HNRNPAB: variants seen among roughly 807,000 people sequenced by gnomAD.
The protein encoded by HNRNPAB is heterogeneous nuclear ribonucleoprotein A/B.
HNRNPAB carries 17 observed loss-of-function variants against 44.1 expected under a neutral mutation model. The ratio of observed to expected loss-of-function variants is 0.39; its 90% CI spans 0.26 to 0.58. HNRNPAB has a LOEUF of 0.58. Among genes scored for constraint, HNRNPAB ranks in the 20% least tolerant of loss-of-function variants. The pLI is 0.63. For missense variants in HNRNPAB, 393 were observed against 432.7 expected, an observed-to-expected ratio of 0.91 and a Z score of 0.81; for synonymous variants, 183 against 167.6, an observed-to-expected ratio of 1.09 and a Z score of -0.71.
At position 178,206,899 on chromosome 5, in the gene HNRNPAB, G is replaced by A; in HGVS notation, c.537+9G>A. On this transcript the variant is annotated intron_variant, in intron 4 of 7. Transcript: ENST00000358344. ...TTGGCGAGTTTGGGGAGGTGAGTGT[G>A]GCTCTGGGAATAGCCCATCAGCTGC... 1 of 1,613,986 alleles carries A rather than the reference G, an allele frequency of 6.2e-7. No individual in the cohort carries two copies. The highest frequency in any genetic ancestry group is 8.5e-7 in the Non-Finnish European group (1 of 1,179,904).
At chr5:178,207,285 G>C (rs1213215339) in intron 5 of HNRNPAB, 60 bp downstream of exon 5, 1 of 1,600,880 alleles carries the variant, frequency 6.2e-7, no homozygotes. Flanking sequence ...CCCTTAGAGG[G>C]ATGGGTTAGG....
chr5:178,205,293 G>A (rs998614615), intron 2 of HNRNPAB, among the ~76,000 whole-genome samples: 27 of 151,422 alleles, frequency 1.8e-4, no homozygotes, highest in African/African-American at 4.3e-4. Context: ...CCAGGGCCAG[G>A]GCCGGAGCCG....
At chr5:178,208,639 T>G (rs981318156) in intron 5 of HNRNPAB, 1 of 152,242 alleles carries the variant, frequency 6.6e-6, no homozygotes, top group Admixed American at 6.5e-5. Flanking sequence ...TCTTTAGAAA[T>G]ACACTGGTCT....
chr5:178,209,951 T>C (rs1477602633), intron 6 of HNRNPAB, among the ~76,000 whole-genome samples, 181 bp from the exon 7 acceptor site: 1 of 150,428 alleles, frequency 6.6e-6, no homozygotes, highest in African/African-American at 2.5e-5. Flanking sequence ...TCTGATCCTC[T>C]GCTTGGGTCT....
chr5:178,208,522 T>C (rs1359819007), intron 5 of HNRNPAB: 1 of 152,204 alleles, frequency 6.6e-6, no homozygotes, highest in Non-Finnish European at 1.5e-5. Context: ...ATTTTTAATT[T>C]AGTAGGATAG....
At chr5:178,208,172 A>C (rs1757181088) in intron 5 of HNRNPAB, among the ~76,000 whole-genome samples, 1 of 151,974 alleles carries the variant, frequency 6.6e-6, no homozygotes, top group South Asian at 2.1e-4. Context: ...GGCAGTTGGG[A>C]GTTGAGGGTG....
chr5:178,209,201 A>C, intron 5 of HNRNPAB, 129 bp from the exon 6 acceptor site: 2 of 781,506 alleles, frequency 2.6e-6, no homozygotes, highest in South Asian at 1.6e-5. Flanking sequence ...GGCCTCCCAT[A>C]CTAGCATATT....
At chr5:178,206,981 G>T in intron 4 of HNRNPAB, 91 bp downstream of exon 4, 1 of 1,587,038 alleles carries the variant, frequency 6.3e-7, no homozygotes, top group East Asian at 2.2e-5. Context: ...GACCCTCCCA[G>T]GCAGGGCTTA....
chr5:178,205,137 T>TGGCCC, intron 2 of HNRNPAB, 91 bp downstream of exon 2: 1 of 992,516 alleles, frequency 1.0e-6, no homozygotes, highest in Non-Finnish European at 1.3e-6. Flanking sequence ...GGCGGCGGCC[T>TGGCCC]GGCCCGGGTC....
rs753208075 is a variant in HNRNPAB at position 178,204,611 on chromosome 5, C to T, written c.-153C>T. 2.2e-5 allele frequency: 6 copies of T among 271,576 alleles called. No homozygotes were observed. The highest frequency in any genetic ancestry group is 1.7e-4 in the South Asian group (1 of 5,912). 16.8% of individuals were successfully genotyped at this position (271,576 alleles called of 1,614,324 possible). On this transcript the variant is annotated 5_prime_UTR_variant, in exon 1 of 8. Coordinates refer to ENST00000358344, the MANE Select transcript of HNRNPAB (RefSeq NM_031266.3). ...GCGGCGGCGGCCAAGGAGGAGGAGACACAGTTGGAGCAGCTCCGTGGGCTG... is the reference window on the plus strand; with the variant it reads ...GCGGCGGCGGCCAAGGAGGAGGAGATACAGTTGGAGCAGCTCCGTGGGCTG...
In HNRNPAB at chr5:178,204,590, C is replaced by G. The variant is rs1041799912; in HGVS notation, c.-174C>G. ...TGTTGGTCGGTGGGTTCCCGTGCGG[C>G]GGCGGCCAAGGAGGAGGAGACACAG... On this transcript the variant is annotated 5_prime_UTR_variant, in exon 1 of 8. Coordinates refer to ENST00000358344, the MANE Select transcript of HNRNPAB (RefSeq NM_031266.3). 2 of 251,170 alleles carry G rather than the reference C, an allele frequency of 8.0e-6. No homozygotes were observed. The highest frequency in any genetic ancestry group is 4.6e-5 in the African/African-American group (2 of 43,904). 15.6% of individuals were successfully genotyped at this position (251,170 alleles called of 1,614,324 possible).
chr5:178,207,691 C>CTTTTTTTTT (rs34424574), intron 5 of HNRNPAB, among the ~76,000 whole-genome samples: 16 of 78,756 alleles, frequency 2.0e-4, no homozygotes, highest in Non-Finnish European at 2.7e-4. Context: ...ACTTTGAGCA[C>CTTTTTTTTT]TTTTTTTTTT....
intron 3 of HNRNPAB, 39 bp from the exon 4 acceptor site, chr5:178,206,693 G>C: frequency 1.2e-6 from 2 of 1,603,556 alleles, no homozygotes; most frequent in Non-Finnish European, 1.7e-6. Flanking sequence ...TGTCTGGCTC[G>C]TGCTGCTGAG....
intron 4 of HNRNPAB, 77 bp from the exon 5 acceptor site, chr5:178,207,017 G>A (rs1179132518): frequency 1.9e-6 from 3 of 1,591,676 alleles, no homozygotes; most frequent in African/African-American, 1.4e-5. Context: ...CTTCAATGGG[G>A]TCTTTTCTCC....
chr5:178,210,699 T>TG lies in HNRNPAB; in HGVS notation c.*76_*77insG, dbSNP rs1425244375. The stretch of plus-strand genomic sequence containing the variant: ...GGAGTGAACACAATTATGTACCAAA[T>TG]TTAACTTGGCAAACTTTCTATTGCC... On this transcript the variant is annotated 3_prime_UTR_variant, in exon 8 of 8. Coordinates refer to ENST00000358344, the MANE Select transcript of HNRNPAB (RefSeq NM_031266.3). 1 of 1,196,750 alleles carries TG rather than the reference T, an allele frequency of 8.4e-7. No individual in the cohort carries two copies. The highest frequency in any genetic ancestry group is 1.5e-5 in the African/African-American group (1 of 66,466). The allele number at this position is 1,196,750 out of a possible 1,614,324, so 74.1% of individuals were successfully genotyped here.
At position 178,210,659 on chromosome 5, in the gene HNRNPAB, G is replaced by C; in HGVS notation, c.*36G>C. On this transcript the variant is annotated 3_prime_UTR_variant, in exon 8 of 8. Coordinates refer to ENST00000358344, the MANE Select transcript of HNRNPAB (RefSeq NM_031266.3). ...GGAGCGACCAACTGATCGCACACATGCTTTGTTTGGATATGGAGTGAACAC... is the reference window on the plus strand; with the variant it reads ...GGAGCGACCAACTGATCGCACACATCCTTTGTTTGGATATGGAGTGAACAC... 1 of 1,528,188 alleles carries C rather than the reference G, an allele frequency of 6.5e-7. No individual in the cohort carries two copies. Among genetic ancestry groups the C allele is most frequent in the Non-Finnish European group, 9.1e-7 (1 of 1,102,202 alleles). 94.7% of individuals were successfully genotyped at this position (1,528,188 alleles called of 1,614,324 possible). A position where few individuals can be genotyped will look rare whatever the true frequency, so the allele number is the denominator to read the frequency against.
chr5:178,206,954 G>A, intron 4 of HNRNPAB, 64 bp downstream of exon 4: 1 of 1,601,054 alleles, frequency 6.2e-7, no homozygotes, highest in Non-Finnish European at 8.5e-7. Flanking sequence ...CTGGTCCTTG[G>A]TATCCTTGGC....
intron 3 of HNRNPAB, 51 bp downstream of exon 3, chr5:178,206,061 T>C (rs1392965095): frequency 2.0e-6 from 3 of 1,516,960 alleles, no homozygotes; most frequent in Admixed American, 1.8e-5. Context: ...ATTTGAATTC[T>C]AAGAGGACAC....
At chr5:178,206,050 G>T (rs755039742) in intron 3 of HNRNPAB, 40 bp downstream of exon 3, 5 of 1,563,932 alleles carry the variant, frequency 3.2e-6, no homozygotes, top group South Asian at 2.3e-5. Flanking sequence ...CAGTGGAAAC[G>T]ATTTGAATTC....
Sources: gnomAD v4.1 joint callset for allele counts (sites outside exome capture counted in the v4.1 genomes callset) on GRCh38, gnomAD v4.1.1 for gene constraint, MANE v1.5 for transcripts, NCBI Gene and HGNC (gene_info 2026-07-23, HGNC 2026-07-21) for gene names.